The following PRPSAP1 variants were observed in gnomAD, a reference collection of about 807,000 sequenced individuals.
PRPSAP1 encodes the protein phosphoribosyl pyrophosphate synthase-associated protein 1.
PRPSAP1 carries 31 observed loss-of-function variants against 39.4 expected under a neutral mutation model. The ratio of observed to expected loss-of-function variants is 0.79; its 90% CI spans 0.59 to 1.06. PRPSAP1 has a LOEUF of 1.06. Among genes scored for constraint, PRPSAP1 ranks in the 50% least tolerant of loss-of-function variants. The probability of loss-of-function intolerance (pLI) is 0.00; values close to 1 mark genes in which losing one functional copy is unlikely to be tolerated. For synonymous variants in PRPSAP1, 212 were observed against 192.6 expected (o/e 1.10, Z -0.83); for missense variants, 430 against 511.6 (o/e 0.84, Z 1.54).
chr17:76,347,824 G>T (rs972188346), intron 2 of PRPSAP1, among the ~76,000 whole-genome samples: 5 of 152,084 alleles, frequency 3.3e-5, no homozygotes, highest in Non-Finnish European at 7.4e-5. Flanking sequence ...AGCAGCAGAG[G>T]TTGTGAGAAA....
At chr17:76,345,759 A>T (rs938957082) in intron 2 of PRPSAP1, 12 of 257,624 alleles carry the variant, frequency 4.7e-5, no homozygotes, top group Middle Eastern at 1.3e-3. Flanking sequence ...AGCGAGAATG[A>T]CCCCCGACTG....
At position 76,312,630 on chromosome 17, in the gene PRPSAP1, A is replaced by G. The variant is rs568403182; in HGVS notation, c.999+240T>C. ...TCTCAAGTAATTTATCGAATACTAT[A>G]CATTACATCGTAATTGCAATGGTTT... is the stretch of plus-strand genomic sequence containing the variant. On this transcript the variant is annotated intron_variant, in intron 9 of 9. Transcript: ENST00000446526. Among the ~76,000 whole-genome samples, 13 of 152,326 alleles carry G rather than the reference A, an allele frequency of 8.5e-5. No homozygotes were observed. In the South Asian group the frequency reaches 2.5e-3, roughly 29 times the overall value.
intron 3 of PRPSAP1, among the ~76,000 whole-genome samples, chr17:76,342,287 G>T (rs2071447864): frequency 6.6e-6 from 1 of 152,158 alleles, no homozygotes; most frequent in Non-Finnish European, 1.5e-5. Flanking sequence ...AGGAAGACAA[G>T]ACAACAGGAA....
At chr17:76,336,315 G>A (rs1157682642) in intron 3 of PRPSAP1, among the ~76,000 whole-genome samples, 1 of 151,984 alleles carries the variant, frequency 6.6e-6, no homozygotes, top group Non-Finnish European at 1.5e-5. Context: ...GCAGGTGCCT[G>A]TAATCCCAGC....
At chr17:76,330,182 T>C in intron 5 of PRPSAP1, 84 bp from the exon 6 acceptor site, 1 of 1,255,686 alleles carries the variant, frequency 8.0e-7, no homozygotes, top group East Asian at 2.3e-5. Context: ...TTCCCTCTTA[T>C]AATGATCCAA....
intron 3 of PRPSAP1, among the ~76,000 whole-genome samples, chr17:76,339,154 C>T (rs2071409332): frequency 6.6e-6 from 1 of 152,018 alleles, no homozygotes; most frequent in Non-Finnish European, 1.5e-5. Context: ...TCTATAATCT[C>T]AGCACTTTGG....
chr17:76,333,764 G>A (rs980975109), intron 3 of PRPSAP1, among the ~76,000 whole-genome samples: 1 of 152,134 alleles, frequency 6.6e-6, no homozygotes, highest in Non-Finnish European at 1.5e-5. Context: ...GAATCTGGAA[G>A]ATATTAGAAG....
At chr17:76,319,218 A>G (rs565323653) in intron 7 of PRPSAP1, among the ~76,000 whole-genome samples, 6 of 151,844 alleles carry the variant, frequency 4.0e-5, no homozygotes, top group Non-Finnish European at 7.4e-5. Context: ...AATTATAGGC[A>G]TGAGCCACCA....
In PRPSAP1 at chr17:76,333,464, G is replaced by A. The variant is rs746673108; in HGVS notation, c.291-1029C>T. Among the ~76,000 whole-genome samples, 231 of 152,098 alleles carry A rather than the reference G, an allele frequency of 1.5e-3. 3 individuals carry two copies. The highest frequency in any genetic ancestry group is 9.3e-4 in the Non-Finnish European group (63 of 67,966). On this transcript the variant is annotated intron_variant, in intron 3 of 9. Transcript: ENST00000446526. Reference sequence around the variant, plus strand: ...GGCTGGACGCAGCCCAGCCAATATGGTGAAACCTTGTCTCTACTAAAAATA... The same window carrying A: ...GGCTGGACGCAGCCCAGCCAATATGATGAAACCTTGTCTCTACTAAAAATA...
chr17:76,319,476 A>T (rs1202850433), intron 7 of PRPSAP1: 1 of 150,694 alleles, frequency 6.6e-6, no homozygotes, highest in Non-Finnish European at 1.5e-5. Context: ...GATTTATTTT[A>T]TTTTTTTTTC....
chr17:76,339,370 A>T (rs1330408147), intron 3 of PRPSAP1, among the ~76,000 whole-genome samples: 2 of 151,728 alleles, frequency 1.3e-5, no homozygotes, highest in Non-Finnish European at 2.9e-5. Flanking sequence ...ACGCCACTGC[A>T]CTCCAGCCTG....
chr17:76,315,175 G>A (rs1300057575), intron 7 of PRPSAP1, among the ~76,000 whole-genome samples: 1 of 152,140 alleles, frequency 6.6e-6, no homozygotes, highest in Non-Finnish European at 1.5e-5. Flanking sequence ...GGCTATGAGT[G>A]TACAAAGGAA....
At chr17:76,315,662 T>C (rs1752146938) in intron 7 of PRPSAP1, among the ~76,000 whole-genome samples, 2 of 149,406 alleles carry the variant, frequency 1.3e-5, no homozygotes, top group Middle Eastern at 3.3e-3. Flanking sequence ...TGTTTTTAAA[T>C]TAAACCATGT....
intron 7 of PRPSAP1, among the ~76,000 whole-genome samples, chr17:76,315,605 G>T (rs1194243846): frequency 6.6e-6 from 1 of 151,802 alleles, no homozygotes; most frequent in Non-Finnish European, 1.5e-5. Flanking sequence ...AAAATGGGGG[G>T]AGGGGGGTTT....
intron 3 of PRPSAP1, among the ~76,000 whole-genome samples, chr17:76,341,775 T>G (rs1394130441): frequency 6.6e-6 from 1 of 152,044 alleles, no homozygotes; most frequent in Non-Finnish European, 1.5e-5. Context: ...CCGTCTCTAC[T>G]AAAAATACAA....
chr17:76,319,529 C>T (rs1028741857), intron 7 of PRPSAP1: 7 of 152,186 alleles, frequency 4.6e-5, no homozygotes, highest in Non-Finnish European at 1.0e-4. Flanking sequence ...AATGCAGTGG[C>T]ACCATCTTGG....
At chr17:76,312,806 T>A in intron 9 of PRPSAP1, 64 bp downstream of exon 9, 1 of 1,552,596 alleles carries the variant, frequency 6.4e-7, no homozygotes, top group Non-Finnish European at 8.7e-7. Context: ...ATTGACTGAA[T>A]CATTTTATTA....
At chr17:76,325,761 C>T (rs1304791781) in intron 7 of PRPSAP1, among the ~76,000 whole-genome samples, 9 of 151,732 alleles carry the variant, frequency 5.9e-5, no homozygotes, top group Non-Finnish European at 1.3e-4. Context: ...CCCGCCACTA[C>T]GCCCGGCTAA....
intron 3 of PRPSAP1, among the ~76,000 whole-genome samples, chr17:76,342,799 C>T (rs542656569): frequency 2.0e-5 from 3 of 151,880 alleles, no homozygotes; most frequent in Admixed American, 6.6e-5. Flanking sequence ...TAGGGCCGGG[C>T]GCAGTGGCTC....
Sources: gnomAD v4.1 joint callset for allele counts (sites outside exome capture counted in the v4.1 genomes callset) on GRCh38, gnomAD v4.1.1 for gene constraint, MANE v1.5 for transcripts, NCBI Gene and HGNC (gene_info 2026-07-23, HGNC 2026-07-21) for gene names.